The following DIAPH1 variants were observed in gnomAD, a reference collection of about 807,000 sequenced individuals.
DIAPH1 encodes the protein diaphanous related formin 1, also known as protein diaphanous homolog 1.
DIAPH1 carries 46 observed loss-of-function variants against 140.7 expected under a neutral mutation model. That is an observed-to-expected ratio of 0.33 (90% confidence interval 0.26 to 0.42). The LOEUF (loss-of-function observed/expected upper bound fraction) is 0.42, where lower values mean the gene tolerates loss of function less well. Among genes scored for constraint, DIAPH1 ranks in the 10% least tolerant of loss-of-function variants. The pLI is 1.00. For synonymous variants in DIAPH1, 565 were observed against 551.6 expected (o/e 1.02, Z -0.34); for missense variants, 1,310 against 1,558.7 (o/e 0.84, Z 2.69).
chr5:141,576,476 C>A (rs992055688), intron 13 of DIAPH1, among the ~76,000 whole-genome samples, 182 bp from the exon 14 acceptor site: 2 of 152,182 alleles, frequency 1.3e-5, no homozygotes, highest in African/African-American at 4.8e-5. Flanking sequence ...TGCGGTAAGG[C>A]CACCATGCTG....
Position 141,618,946 on chromosome 5 carries a change from C to T in DIAPH1, c.-32G>A. Reference sequence around the variant, plus strand: ...GTTCACGCTGGCCGGCGACCCCGCGCCTACGCCGCTCCCGCCTGGCAGCTC... The same window carrying T: ...GTTCACGCTGGCCGGCGACCCCGCGTCTACGCCGCTCCCGCCTGGCAGCTC... On this transcript the variant is annotated 5_prime_UTR_variant, in exon 1 of 28. Coordinates refer to ENST00000389054, the MANE Select transcript of DIAPH1 (RefSeq NM_005219.5). 1.5e-6 allele frequency: 2 copies of T among 1,312,532 alleles called. No homozygotes were observed. Among genetic ancestry groups the T allele is most frequent in the South Asian group, 1.5e-5 (1 of 66,708 alleles). The allele number at this position is 1,312,532 out of a possible 1,614,324, so 81.3% of individuals were successfully genotyped here.
At chr5:141,609,425 G>A (rs2099901472) in intron 1 of DIAPH1, among the ~76,000 whole-genome samples, 1 of 152,204 alleles carries the variant, frequency 6.6e-6, no homozygotes, top group African/African-American at 2.4e-5. Context: ...TAGTGAGTAA[G>A]TCCATGAGTT....
intron 1 of DIAPH1, among the ~76,000 whole-genome samples, chr5:141,616,346 A>C (rs1235320122): frequency 6.6e-6 from 1 of 152,230 alleles, no homozygotes; most frequent in Non-Finnish European, 1.5e-5. Context: ...CCTCAAATGC[A>C]AACAACCTTC....
chr5:141,529,697 G>A lies in DIAPH1; in HGVS notation c.2582C>T (p.Ser861Leu). ...CATGCGGAAGGAACCCAAAAAGATT[G>A]CTGCCAGAAAATGAGATATTAAGAC... Reference protein sequence around the residue: ...VLDSKTAQNLSIFLGSFRMPY... With the variant: ...VLDSKTAQNLLIFLGSFRMPY... The change falls in exon 20 of 28, where the codon TCA (serine) becomes TTA (leucine). Residue 861 changes from serine (S) to leucine (L), a missense_variant and splice_region_variant. Ser to Leu is a moderately radical substitution (Grantham distance 145). This residue lies in a region of DIAPH1 where 344 missense variants were observed against 512.2 expected (regional missense o/e 0.67). Coordinates refer to ENST00000389054, the MANE Select transcript of DIAPH1 (RefSeq NM_005219.5). 1 of 1,613,540 alleles carries A rather than the reference G, an allele frequency of 6.2e-7. No individual in the cohort carries two copies. The highest frequency in any genetic ancestry group is 8.5e-7 in the Non-Finnish European group (1 of 1,179,492).
rs1464059712 is a variant in DIAPH1, at chr5:141,573,569, G to A, written c.2281C>T (p.Pro761Ser). Reference protein sequence around the residue: ...PPFGFGVPAAPVLPFGLTPKK... With the variant: ...PPFGFGVPAASVLPFGLTPKK... ...GGGGTTAATCCAAATGGCAGAACTGGGGCTGCAGGAACTCCAAATCCAAAT... is the reference window on the plus strand; with the variant it reads ...GGGGTTAATCCAAATGGCAGAACTGAGGCTGCAGGAACTCCAAATCCAAAT... The change falls in exon 16 of 28, where the codon CCA becomes TCA. Residue 761 changes from proline to serine, a missense_variant. Transcript: ENST00000389054. The A allele has an allele frequency of 6.2e-7, 1 of 1,614,100 alleles. No homozygotes were observed. The highest frequency in any genetic ancestry group is 1.1e-5 in the South Asian group (1 of 91,086).
chr5:141,614,991 C>T (rs900179566), intron 1 of DIAPH1, among the ~76,000 whole-genome samples: 1 of 152,164 alleles, frequency 6.6e-6, no homozygotes, highest in African/African-American at 2.4e-5. Context: ...GCCTGGCATC[C>T]TTTAATTTGT....
intron 2 of DIAPH1, among the ~76,000 whole-genome samples, chr5:141,587,866 T>C (rs2099897773): frequency 6.6e-6 from 1 of 152,196 alleles, no homozygotes; most frequent in South Asian, 2.1e-4. Flanking sequence ...AAATCTCAAA[T>C]ACTGATGCTC....
intron 27 of DIAPH1, among the ~76,000 whole-genome samples, chr5:141,520,663 A>C (rs182377013): frequency 1.5e-3 from 224 of 152,326 alleles, no homozygotes; most frequent in Non-Finnish European, 2.1e-3. Flanking sequence ...TCTTTATAAT[A>C]ATACAAAATA....
At chr5:141,598,911 C>A (rs1429886308) in intron 1 of DIAPH1, among the ~76,000 whole-genome samples, 1 of 152,196 alleles carries the variant, frequency 6.6e-6, no homozygotes, top group East Asian at 1.9e-4. Context: ...CAATGGCAGT[C>A]TTCTGCACAG....
In DIAPH1 at chr5:141,535,559, T is replaced by A. The variant is rs145842887; in HGVS notation, c.2483-1126A>T. ...ATTTAATAAGTGTGGATATTTCTCA[T>A]CCCACCTAGATTTTGAACTTCAAGG... is the stretch of plus-strand genomic sequence containing the variant. On this transcript the variant is annotated intron_variant, in intron 18 of 27. Coordinates refer to ENST00000389054, the MANE Select transcript of DIAPH1 (RefSeq NM_005219.5). Among the ~76,000 whole-genome samples, 18 of 152,318 alleles carry A rather than the reference T, an allele frequency of 1.2e-4. No homozygotes were observed. The East Asian group carries it at 3.3e-3, about 28-fold the overall frequency.
At chr5:141,537,483 C>CCA (rs2099889219) in intron 18 of DIAPH1, among the ~76,000 whole-genome samples, 1 of 36,950 alleles carries the variant, frequency 2.7e-5, no homozygotes, top group Non-Finnish European at 4.4e-5. Context: ...AACTCCGTCT[C>CCA]AAAAAAAAAA....
chr5:141,559,145 AAGAGGAGAC>A (rs2154595910), intron 18 of DIAPH1, among the ~76,000 whole-genome samples: 1 of 152,044 alleles, frequency 6.6e-6, no homozygotes, highest in South Asian at 2.1e-4. Context: ...TAATTCTGGG[AAGAGGAGAC>A]AGTAAGAGGG....
chr5:141,598,901 C>T (rs1350424295), intron 1 of DIAPH1, among the ~76,000 whole-genome samples: 1 of 152,164 alleles, frequency 6.6e-6, no homozygotes, highest in Non-Finnish European at 1.5e-5. Context: ...AAAAACGGTC[C>T]AATGGCAGTC....
At chr5:141,617,019 T>C (rs945324750) in intron 1 of DIAPH1, among the ~76,000 whole-genome samples, 2 of 152,110 alleles carry the variant, frequency 1.3e-5, no homozygotes, top group Non-Finnish European at 2.9e-5. Context: ...ATAGAGTACA[T>C]ATAAAATTCT....
chr5:141,573,552 T>C lies in DIAPH1; in HGVS notation c.2298A>G (p.Gly766=). Residue 766 remains glycine (G), a synonymous_variant, in exon 16 of 28, where the codon GGA becomes GGG. Transcript: ENST00000389054. The part of the protein sequence containing the change: ...GVPAAPVLPF[G]LTPKKLYKPE... ...GCTTATAAAGCTTTTTGGGGGTTAA[T>C]CCAAATGGCAGAACTGGGGCTGCAG... 6.2e-7 allele frequency: 1 copy of C among 1,611,650 alleles called. No homozygotes were observed. Among genetic ancestry groups the C allele is most frequent in the Non-Finnish European group, 8.5e-7 (1 of 1,178,796 alleles).
Position 141,515,074 on chromosome 5 carries a change from G to A in DIAPH1, c.*1777C>T, listed in dbSNP as rs2099885469. 6.6e-6 allele frequency: 1 copy of A among 152,600 alleles called. No individual in the cohort carries two copies. Among genetic ancestry groups the A allele is most frequent in the East Asian group, 1.9e-4 (1 of 5,196 alleles). 9.5% of individuals were successfully genotyped at this position (152,600 alleles called of 1,614,324 possible). Reference sequence around the variant, plus strand: ...GAAACAAAACCAACAAACTGGAGGTGATGACATCCCAGAAGCCTATGAGGC... The same window carrying A: ...GAAACAAAACCAACAAACTGGAGGTAATGACATCCCAGAAGCCTATGAGGC... On this transcript the variant is annotated 3_prime_UTR_variant, in exon 28 of 28. Transcript: ENST00000389054.
intron 18 of DIAPH1, chr5:141,564,391 A>ATGTGCC: frequency 6.6e-6 from 1 of 152,366 alleles, no homozygotes; most frequent in South Asian, 2.1e-4. Context: ...AAAGGGATCC[A>ATGTGCC]TGTGCCATCT....
chr5:141,562,931 C>T (rs148477324), intron 18 of DIAPH1: 3 of 152,310 alleles, frequency 2.0e-5, no homozygotes, highest in African/African-American at 7.2e-5. Context: ...TGCTAGATAT[C>T]CCATTTCTTT....
chr5:141,574,486 G>T (rs1438441675), intron 15 of DIAPH1, among the ~76,000 whole-genome samples: 1 of 152,092 alleles, frequency 6.6e-6, no homozygotes, highest in Non-Finnish European at 1.5e-5. Flanking sequence ...AAATGTAAAG[G>T]TCAAGTAAAT....
Sources: gnomAD v4.1 joint callset for allele counts (sites outside exome capture counted in the v4.1 genomes callset) on GRCh38, gnomAD v4.1.1 for gene constraint, gnomAD v4.1.1 regional missense constraint, MANE v1.5 for transcripts, NCBI Gene and HGNC (gene_info 2026-07-23, HGNC 2026-07-21) for gene names.